NAALAD2: variants seen among roughly 807,000 people sequenced by gnomAD.
NAALAD2 encodes N-acetylated alpha-linked acidic dipeptidase 2.
In NAALAD2, 89 loss-of-function variants were observed where a neutral mutation model predicts 95.6. The ratio of observed to expected loss-of-function variants is 0.93; its 90% CI spans 0.78 to 1.11. The LOEUF is 1.11. Ranked by LOEUF, NAALAD2 falls within the 50% of genes least tolerant of loss-of-function variation. The probability of loss-of-function intolerance (pLI) is 0.00; values close to 1 mark genes in which losing one functional copy is unlikely to be tolerated. For missense variants in NAALAD2, 894 were observed against 872.4 expected, an observed-to-expected ratio of 1.02 and a Z score of -0.31; for synonymous variants, 264 against 294.4, an observed-to-expected ratio of 0.90 and a Z score of 1.06.
chr11:90,160,577 A>G (rs983584442), intron 8 of NAALAD2, among the ~76,000 whole-genome samples: 2 of 152,216 alleles, frequency 1.3e-5, no homozygotes, highest in East Asian at 1.9e-4. Flanking sequence ...GTTTATCTCT[A>G]TCATTAAATC....
chr11:90,171,986 AAAAGAAAGAAAAGAAAAAAG>A (rs1249444764), intron 13 of NAALAD2, among the ~76,000 whole-genome samples: 1 of 106,568 alleles, frequency 9.4e-6, no homozygotes, highest in Non-Finnish European at 1.9e-5. Context: ...TCCTGACAAA[AAAAGAAAGAAAAGAAAAAAG>A]AAAGAAAGAA....
chr11:90,159,336 A>G lies in NAALAD2; in HGVS notation c.988A>G (p.Arg330Gly), dbSNP rs1328488516. ...TGGCTTTACAGGGAGTGATTCTTTC[A>G]GGTAATTTTGCATTACTTTAATAGT... is the stretch of plus-strand genomic sequence containing the variant. ...GPGFTGSDSFRKVRMHVYNIN... is the reference protein window; with the variant it reads ...GPGFTGSDSFGKVRMHVYNIN... The change falls in exon 8 of 19, where the codon AGG becomes GGG. Residue 330 changes from arginine to glycine, a missense_variant and splice_region_variant. Coordinates refer to ENST00000534061, the MANE Select transcript of NAALAD2 (RefSeq NM_005467.4). 22 of 1,610,012 alleles carry G rather than the reference A, an allele frequency of 1.4e-5. No homozygotes were observed. The highest frequency in any genetic ancestry group is 1.9e-5 in the Non-Finnish European group (22 of 1,176,692).
intron 2 of NAALAD2, among the ~76,000 whole-genome samples, chr11:90,145,683 A>C (rs149215352): frequency 2.6e-4 from 40 of 152,274 alleles, no homozygotes; most frequent in Non-Finnish European, 5.0e-4. Flanking sequence ...GATGATTAAT[A>C]GTTTGCAGAT....
chr11:90,163,183 TTTTAC>T (rs1952343884), intron 9 of NAALAD2, 122 bp from the exon 10 acceptor site: 2 of 1,256,188 alleles, frequency 1.6e-6, no homozygotes, highest in Non-Finnish European at 2.2e-6. Flanking sequence ...TAAAAGAAGA[TTTTAC>T]TTTATAGTGT....
chr11:90,178,096 A>G lies in NAALAD2; in HGVS notation c.1837A>G (p.Thr613Ala), dbSNP rs1327195438. 1.2e-6 allele frequency: 2 copies of G among 1,612,560 alleles called. No homozygotes were observed. Among genetic ancestry groups the G allele is most frequent in the Admixed American group, 1.7e-5 (1 of 59,784 alleles). ...ATCTAAGAAACATGATCAACAATTG[A>G]CAGACCATGGAGTATCATTTGGTAA... ...NLSKKHDQQL[T>A]DHGVSFDSLF... is the part of the protein sequence containing the mutation. The change falls in exon 16 of 19, where the codon ACA (threonine) becomes GCA (alanine). Residue 613 changes from threonine (T) to alanine (A), a missense_variant. Thr to Ala is a moderately conservative substitution (Grantham distance 58, BLOSUM62 0). Coordinates refer to ENST00000534061, the MANE Select transcript of NAALAD2 (RefSeq NM_005467.4).
At chr11:90,140,174 C>T (rs951651727) in intron 2 of NAALAD2, among the ~76,000 whole-genome samples, 28 of 152,080 alleles carry the variant, frequency 1.8e-4, no homozygotes, top group African/African-American at 6.5e-4. Context: ...AGCAGATAGT[C>T]ACCTCACAAG....
intron 6 of NAALAD2, among the ~76,000 whole-genome samples, chr11:90,155,061 T>C (rs138334734): frequency 0.032 from 3,950 of 122,410 alleles, 146 homozygotes; most frequent in East Asian, 0.08. Flanking sequence ...TATATACATA[T>C]ACATATGTAT....
intron 2 of NAALAD2, among the ~76,000 whole-genome samples, chr11:90,141,478 C>A (rs1951612787): frequency 6.6e-6 from 1 of 152,150 alleles, no homozygotes; most frequent in Non-Finnish European, 1.5e-5. Context: ...GGAGCAAATG[C>A]AAATTATATT....
At chr11:90,155,681 ATACATACATACATATGTATGTAT>A (rs1019971644) in intron 6 of NAALAD2, among the ~76,000 whole-genome samples, 4 of 42,078 alleles carry the variant, frequency 9.5e-5, no homozygotes, top group Admixed American at 3.2e-4. Flanking sequence ...TATGTATGTA[ATACATACATACATATGTATGTAT>A]TATTATTGTA....
chr11:90,173,947 A>T, intron 14 of NAALAD2, 32 bp downstream of exon 14: 3 of 1,398,148 alleles, frequency 2.1e-6, no homozygotes, highest in Non-Finnish European at 3.0e-6. Context: ...TTTCTACTGT[A>T]GGATAAGTTA....
chr11:90,138,691 C>G (rs1442905211), intron 2 of NAALAD2, among the ~76,000 whole-genome samples: 2 of 137,138 alleles, frequency 1.5e-5, no homozygotes, highest in Non-Finnish European at 3.1e-5. Flanking sequence ...TGAATTTTTC[C>G]AAGATTACTA....
Position 90,173,860 on chromosome 11 carries a change from C to T in NAALAD2, c.1447C>T (p.Leu483=). Residue 483 remains leucine (L), a synonymous_variant, in exon 14 of 19, where the codon CTG becomes TTG. Coordinates refer to ENST00000534061, the MANE Select transcript of NAALAD2 (RefSeq NM_005467.4). The part of the protein sequence containing the change: ...SPDDGFESKS[L]YESWLEKDPS... ...TGATGATGGGTTTGAGAGTAAATCA[C>T]TGTATGAAAGCTGGTTGGAAAAAGA... 6.2e-7 allele frequency: 1 copy of T among 1,613,100 alleles called. No homozygotes were observed.
intron 18 of NAALAD2, among the ~76,000 whole-genome samples, chr11:90,187,547 G>A (rs1164142253): frequency 6.6e-6 from 1 of 151,930 alleles, no homozygotes; most frequent in East Asian, 1.9e-4. Context: ...TCCAATAACT[G>A]CTAAGATAAA....
chr11:90,182,567 G>A (rs912279415), intron 17 of NAALAD2, among the ~76,000 whole-genome samples: 29 of 152,192 alleles, frequency 1.9e-4, no homozygotes, highest in Non-Finnish European at 3.2e-4. Context: ...CAGTAGAACC[G>A]AATGACTTAT....
intron 18 of NAALAD2, among the ~76,000 whole-genome samples, chr11:90,186,481 A>G (rs1591032062): frequency 1.3e-5 from 2 of 152,184 alleles, no homozygotes; most frequent in East Asian, 1.9e-4. Context: ...TAATGCCGCA[A>G]TAAACATGTG....
Position 90,162,953 on chromosome 11 carries a change from G to A in NAALAD2, c.994G>A (p.Val332Ile), listed in dbSNP as rs777510033. The A allele has an allele frequency of 3.3e-6, 5 of 1,497,360 alleles. No individual in the cohort carries two copies. The African/African-American group carries it at 5.6e-5, about 17-fold the overall frequency. The allele number at this position is 1,497,360 out of a possible 1,614,324, so 92.8% of individuals were successfully genotyped here. Residue 332 changes from valine to isoleucine, a missense_variant, in exon 9 of 19, where the codon GTT (valine) becomes ATT (isoleucine). Transcript: ENST00000534061. ...TTATTCCTTTTAAAATTCTAGGAAGGTTAGAATGCATGTTTATAACATCAA... is the reference window on the plus strand; with the variant it reads ...TTATTCCTTTTAAAATTCTAGGAAGATTAGAATGCATGTTTATAACATCAA... The part of the protein sequence containing the change: ...GFTGSDSFRK[V>I]RMHVYNINKI...
chr11:90,144,574 C>G (rs530794632), intron 2 of NAALAD2, among the ~76,000 whole-genome samples: 3 of 151,790 alleles, frequency 2.0e-5, no homozygotes, highest in Middle Eastern at 3.4e-3. Context: ...AACCCCACCT[C>G]TATTAAAAAT....
chr11:90,183,675 A>G (rs2134987275), intron 18 of NAALAD2, among the ~76,000 whole-genome samples: 1 of 152,264 alleles, frequency 6.6e-6, no homozygotes, highest in South Asian at 2.1e-4. Flanking sequence ...TATTCAGTGT[A>G]GTATTCAATA....
At chr11:90,173,032 A>T (rs76820048) in intron 13 of NAALAD2, among the ~76,000 whole-genome samples, 179 of 152,298 alleles carry the variant, frequency 1.2e-3, no homozygotes, top group African/African-American at 4.2e-3. Context: ...TATAGTCAAT[A>T]TGTGTAGTAG....
Sources: allele counts gnomAD v4.1 joint callset (sites outside exome capture counted in the v4.1 genomes callset), GRCh38; gene constraint gnomAD v4.1.1; transcripts MANE v1.5; gene names NCBI Gene and HGNC (gene_info 2026-07-23, HGNC 2026-07-21).